Variants in CPED1 observed in about 807,000 individuals in gnomAD.
CPED1 encodes cadherin-like and PC-esterase domain-containing protein 1.
In CPED1, 114 loss-of-function variants were observed where a neutral mutation model predicts 128.2. The ratio of observed to expected loss-of-function variants is 0.89; its 90% CI spans 0.76 to 1.04. CPED1 has a LOEUF of 1.04. Among genes scored for constraint, CPED1 ranks in the 50% least tolerant of loss-of-function variants. The pLI, the probability that CPED1 is intolerant of heterozygous loss-of-function variation, is 0.00. For missense variants in CPED1, 1,211 were observed against 1,207.1 expected (o/e 1.00, Z -0.05); for synonymous variants, 462 against 426.7 (o/e 1.08, Z -1.02).
At chr7:120,993,570 A>G (rs903544346) in intron 2 of CPED1, among the ~76,000 whole-genome samples, 5 of 152,230 alleles carry the variant, frequency 3.3e-5, no homozygotes, top group African/African-American at 9.6e-5. Flanking sequence ...TTGCATTTCT[A>G]ATAGTAAATA....
chr7:121,251,545 A>G (rs1391309021), intron 18 of CPED1, among the ~76,000 whole-genome samples: 3 of 152,238 alleles, frequency 2.0e-5, no homozygotes, highest in African/African-American at 7.2e-5. Context: ...TGCAGGTGAC[A>G]TGATTGTATA....
intron 9 of CPED1, among the ~76,000 whole-genome samples, chr7:121,126,660 A>G (rs1795511009): frequency 1.3e-5 from 2 of 152,134 alleles, no homozygotes; most frequent in Admixed American, 1.3e-4. Flanking sequence ...ATTTGGTTAA[A>G]TAATTCCAAG....
At chr7:121,075,477 A>AT (rs948252163) in intron 5 of CPED1, among the ~76,000 whole-genome samples, 4 of 151,640 alleles carry the variant, frequency 2.6e-5, no homozygotes, top group Middle Eastern at 6.8e-3. Flanking sequence ...GTTTTTATTT[A>AT]TTTTTTTTGA....
intron 3 of CPED1, among the ~76,000 whole-genome samples, chr7:121,016,676 T>C (rs143381149): frequency 1.1e-3 from 167 of 152,360 alleles, no homozygotes; most frequent in African/African-American, 3.4e-3. Context: ...CTCTGGCTTT[T>C]TACCTCTTTG....
At chr7:121,237,916 G>T (rs903367487) in intron 17 of CPED1, among the ~76,000 whole-genome samples, 1 of 152,162 alleles carries the variant, frequency 6.6e-6, no homozygotes, top group East Asian at 1.9e-4. Flanking sequence ...ACCCATTATG[G>T]TGTGTCAGGT....
intron 16 of CPED1, among the ~76,000 whole-genome samples, chr7:121,188,586 A>G (rs1357651702): frequency 6.6e-6 from 1 of 152,186 alleles, no homozygotes; most frequent in Non-Finnish European, 1.5e-5. Flanking sequence ...GATTGTGAGG[A>G]GAAAAACTAA....
intron 14 of CPED1, among the ~76,000 whole-genome samples, chr7:121,137,075 A>G (rs1404183073): frequency 2.0e-5 from 3 of 151,976 alleles, no homozygotes; most frequent in Non-Finnish European, 4.4e-5. Flanking sequence ...GGTGCTAAAA[A>G]TCAACTTAGA....
chr7:121,006,192 G>A (rs547957791), intron 2 of CPED1, among the ~76,000 whole-genome samples: 1 of 152,182 alleles, frequency 6.6e-6, no homozygotes, highest in African/African-American at 2.4e-5. Context: ...TGTTGTTTTG[G>A]CATCAGGGGA....
intron 18 of CPED1, among the ~76,000 whole-genome samples, chr7:121,252,264 T>G (rs1465070224): frequency 6.6e-6 from 1 of 151,932 alleles, no homozygotes; most frequent in Non-Finnish European, 1.5e-5. Context: ...TAGCCATATG[T>G]AGAAAGCTGA....
At chr7:121,040,013 A>T (rs1392333323) in intron 3 of CPED1, among the ~76,000 whole-genome samples, 1 of 152,084 alleles carries the variant, frequency 6.6e-6, no homozygotes, top group Non-Finnish European at 1.5e-5. Flanking sequence ...AAGAGGGTAG[A>T]CATTAGGACA....
chr7:121,226,351 G>C (rs1164820429), intron 16 of CPED1, among the ~76,000 whole-genome samples: 4 of 152,040 alleles, frequency 2.6e-5, no homozygotes, highest in Non-Finnish European at 5.9e-5. Context: ...TTTCTGCGTT[G>C]ATCATGCTGG....
intron 2 of CPED1, among the ~76,000 whole-genome samples, chr7:121,006,621 A>C (rs1447647097): frequency 9.9e-5 from 15 of 152,104 alleles, no homozygotes; most frequent in Non-Finnish European, 2.9e-5. Context: ...AAAAAAGGAA[A>C]AAAAAAAGGT....
At chr7:121,138,672 T>C (rs964391975) in intron 14 of CPED1, among the ~76,000 whole-genome samples, 4 of 152,092 alleles carry the variant, frequency 2.6e-5, no homozygotes, top group African/African-American at 9.7e-5. Context: ...TCAGAGAATC[T>C]TTATAAAAAT....
intron 16 of CPED1, among the ~76,000 whole-genome samples, chr7:121,152,156 G>A (rs527993201): frequency 2.0e-5 from 3 of 152,050 alleles, no homozygotes; most frequent in Non-Finnish European, 4.4e-5. Context: ...CCTACCCAGT[G>A]CCCTCCAGCT....
chr7:121,047,650 T>TTCCTCTTCCTCTTCC (rs1427707716), intron 4 of CPED1, among the ~76,000 whole-genome samples: 147 of 2,982 alleles, frequency 0.049, 8 homozygotes, highest in African/African-American at 0.081. Flanking sequence ...AGCACCTTTC[T>TTCCTCTTCCTCTTCC]TCTTCTTCTT....
chr7:121,037,900 T>C (rs1359365112), intron 3 of CPED1, among the ~76,000 whole-genome samples: 3 of 152,118 alleles, frequency 2.0e-5, no homozygotes, highest in Admixed American at 2.0e-4. Context: ...TTTGCAGCTA[T>C]TTTGAAAGGG....
intron 2 of CPED1, among the ~76,000 whole-genome samples, chr7:121,004,343 T>C (rs1791949740): frequency 1.3e-5 from 2 of 152,168 alleles, no homozygotes; most frequent in Admixed American, 6.5e-5. Flanking sequence ...ATAAATGTGG[T>C]GACTGGATAG....
chr7:121,130,988 T>C (rs948487879), intron 12 of CPED1, among the ~76,000 whole-genome samples: 1 of 152,010 alleles, frequency 6.6e-6, no homozygotes, highest in African/African-American at 2.4e-5. Flanking sequence ...CTCTTTTATA[T>C]GGATGGAATT....
intron 16 of CPED1, among the ~76,000 whole-genome samples, chr7:121,191,986 A>G (rs1483052992): frequency 1.3e-5 from 2 of 152,138 alleles, no homozygotes; most frequent in Admixed American, 1.3e-4. Context: ...TTAAAAATAC[A>G]TTGAAAATAT....
Sources: allele counts gnomAD v4.1 joint callset (sites outside exome capture counted in the v4.1 genomes callset), GRCh38; gene constraint gnomAD v4.1.1; transcripts MANE v1.5; gene names NCBI Gene and HGNC (gene_info 2026-07-23, HGNC 2026-07-21).